The following CLDN10 variants were observed in gnomAD, a reference collection of about 807,000 sequenced individuals.
CLDN10 encodes the protein claudin 10.
In CLDN10, 15 loss-of-function variants were observed where a neutral mutation model predicts 22.9. That is an observed-to-expected ratio of 0.65 (90% CI 0.44 to 1.01). CLDN10 has a LOEUF of 1.01. Among genes scored for constraint, CLDN10 ranks in the 50% least tolerant of loss-of-function variants. The pLI is 0.00. For missense variants in CLDN10, 247 were observed against 287.8 expected (o/e 0.86, Z 1.03); for synonymous variants, 114 against 111.4 (o/e 1.02, Z -0.15).
At chr13:95,554,702 G>C (rs1317595218) in intron 1 of CLDN10, among the ~76,000 whole-genome samples, 1 of 152,160 alleles carries the variant, frequency 6.6e-6, no homozygotes, top group Non-Finnish European at 1.5e-5. Flanking sequence ...TAAAATCAAT[G>C]TATTTTTCCA....
At chr13:95,551,834 G>A (rs1217101029), upstream of CLDN10, among the ~76,000 whole-genome samples, 1 of 152,142 alleles carries the variant, frequency 6.6e-6, no homozygotes, top group African/African-American at 2.4e-5. Context: ...ATGAAGGGAT[G>A]AAGGAATGAA....
intron 1 of CLDN10, among the ~76,000 whole-genome samples, chr13:95,531,630 A>T (rs1289374072): frequency 6.6e-6 from 1 of 151,922 alleles, no homozygotes; most frequent in African/African-American, 2.4e-5. Flanking sequence ...TCCTGGGTTC[A>T]AGCGATTCTT....
intron 1 of CLDN10, among the ~76,000 whole-genome samples, chr13:95,458,250 A>G (rs2042501206): frequency 6.6e-6 from 1 of 152,226 alleles, no homozygotes; most frequent in African/African-American, 2.4e-5. Flanking sequence ...CACAGAGTCA[A>G]GAGGTAGAGA....
At chr13:95,557,078 C>T (rs1370604356) in intron 1 of CLDN10, among the ~76,000 whole-genome samples, 1 of 152,200 alleles carries the variant, frequency 6.6e-6, no homozygotes, top group East Asian at 1.9e-4. Context: ...TTTCAGCCAG[C>T]TTGTTTTTAG....
At chr13:95,532,587 C>A (rs764667288) in intron 1 of CLDN10, among the ~76,000 whole-genome samples, 3 of 151,828 alleles carry the variant, frequency 2.0e-5, no homozygotes, top group Non-Finnish European at 4.4e-5. Context: ...GAGGTAATTT[C>A]TTATAAAACT....
intron 3 of CLDN10, among the ~76,000 whole-genome samples, chr13:95,564,580 T>G (rs2043758670): frequency 6.6e-6 from 1 of 152,240 alleles, no homozygotes; most frequent in South Asian, 2.1e-4. Context: ...GCTGCTGCTC[T>G]TGTTTTTCCT....
chr13:95,448,104 A>G (rs2042398128), intron 1 of CLDN10, among the ~76,000 whole-genome samples: 1 of 152,194 alleles, frequency 6.6e-6, no homozygotes, highest in Non-Finnish European at 1.5e-5. Flanking sequence ...TGCCCACACC[A>G]CACAGGCACA....
intron 1 of CLDN10, among the ~76,000 whole-genome samples, chr13:95,471,396 T>C (rs1273870059): frequency 6.8e-6 from 1 of 146,458 alleles, no homozygotes; most frequent in Non-Finnish European, 1.5e-5. Flanking sequence ...TACACACACA[T>C]GTATATATAC....
intron 1 of CLDN10, among the ~76,000 whole-genome samples, chr13:95,517,326 C>T (rs2043179537): frequency 6.6e-6 from 1 of 152,144 alleles, no homozygotes; most frequent in African/African-American, 2.4e-5. Context: ...GGGAGCTCTT[C>T]CCACAGACAA....
chr13:95,568,562 G>C (rs2043814277), intron 3 of CLDN10, among the ~76,000 whole-genome samples: 1 of 152,050 alleles, frequency 6.6e-6, no homozygotes, highest in Non-Finnish European at 1.5e-5. Context: ...CATTTTGGGT[G>C]GGGTGTCCCT....
chr13:95,572,930 A>G (rs2043880711), intron 3 of CLDN10, among the ~76,000 whole-genome samples: 1 of 152,218 alleles, frequency 6.6e-6, no homozygotes, highest in Admixed American at 6.5e-5. Context: ...GGTGAAAGTA[A>G]GTTGTTCAGC....
At chr13:95,527,806 A>G (rs757415868) in intron 1 of CLDN10, among the ~76,000 whole-genome samples, 1 of 152,210 alleles carries the variant, frequency 6.6e-6, no homozygotes, top group African/African-American at 2.4e-5. Flanking sequence ...ATATCATCTT[A>G]TGGTGAAATA....
At chr13:95,440,795 T>C (rs919652031) in intron 1 of CLDN10, among the ~76,000 whole-genome samples, 18 of 152,230 alleles carry the variant, frequency 1.2e-4, no homozygotes, top group African/African-American at 4.3e-4. Context: ...ACTGTATAAT[T>C]GTCTCTGTAT....
chr13:95,520,969 A>G (rs2043218981), intron 1 of CLDN10, among the ~76,000 whole-genome samples: 1 of 152,180 alleles, frequency 6.6e-6, no homozygotes, highest in East Asian at 1.9e-4. Context: ...CTCAAAAAAA[A>G]AAAACAGCAA....
chr13:95,542,880 A>G (rs1472971169), intron 1 of CLDN10, among the ~76,000 whole-genome samples: 1 of 152,214 alleles, frequency 6.6e-6, no homozygotes. Context: ...GTAAAAACTC[A>G]CACTCACATT....
chr13:95,543,162 G>A (rs1178920051), intron 1 of CLDN10, among the ~76,000 whole-genome samples: 1 of 152,200 alleles, frequency 6.6e-6, no homozygotes, highest in Non-Finnish European at 1.5e-5. Context: ...AACCTGGGAG[G>A]CAGAGGTTAC....
At chr13:95,535,174 G>A (rs2043387251) in intron 1 of CLDN10, among the ~76,000 whole-genome samples, 1 of 152,146 alleles carries the variant, frequency 6.6e-6, no homozygotes, top group Non-Finnish European at 1.5e-5. Flanking sequence ...GATACCTTTT[G>A]TGTCATGATA....
intron 1 of CLDN10, among the ~76,000 whole-genome samples, chr13:95,457,207 T>C (rs147758757): frequency 1.3e-5 from 2 of 152,308 alleles, no homozygotes; most frequent in East Asian, 3.9e-4. Flanking sequence ...GCAGATCCAA[T>C]TCCTAGTCCA....
chr13:95,520,357 GA>G (rs1377697017), intron 1 of CLDN10, among the ~76,000 whole-genome samples: 4 of 152,034 alleles, frequency 2.6e-5, no homozygotes, highest in East Asian at 1.9e-4. Flanking sequence ...TTTTTAGATG[GA>G]AAAAAGTTCC....
Sources: allele counts gnomAD v4.1 joint callset (sites outside exome capture counted in the v4.1 genomes callset), GRCh38; gene constraint gnomAD v4.1.1; transcripts MANE v1.5; gene names NCBI Gene and HGNC (gene_info 2026-07-23, HGNC 2026-07-21).